Variants in GAREM1 observed in about 807,000 individuals in gnomAD.
GAREM1 encodes GRB2 associated regulator of MAPK1 subtype 1, also known as GRB2-associated and regulator of MAPK protein 1.
GAREM1 carries 26 observed loss-of-function variants against 71.3 expected under a neutral mutation model. That is an observed-to-expected ratio of 0.36 (90% confidence interval 0.27 to 0.51). GAREM1 has a LOEUF of 0.51. GAREM1 is among the 20% of genes least tolerant of loss of function. The pLI is 0.95. For synonymous variants in GAREM1, 440 were observed against 433.2 expected, an observed-to-expected ratio of 1.02 and a Z score of -0.20; for missense variants, 1,026 against 1,103.1, an observed-to-expected ratio of 0.93 and a Z score of 0.99.
intron 2 of GAREM1, among the ~76,000 whole-genome samples, chr18:32,366,610 C>T (rs916928512): frequency 2.6e-5 from 4 of 152,188 alleles, no homozygotes; most frequent in African/African-American, 9.7e-5. Flanking sequence ...CAACAATGCA[C>T]TTTTAATTAT....
chr18:32,323,136 CA>C (rs1366277398), intron 2 of GAREM1, among the ~76,000 whole-genome samples: 1 of 152,172 alleles, frequency 6.6e-6, no homozygotes, highest in African/African-American at 2.4e-5. Flanking sequence ...TAAATGTGTT[CA>C]ACTTTTAATG....
chr18:32,414,439 A>G (rs1251035827), intron 1 of GAREM1, among the ~76,000 whole-genome samples: 6 of 152,086 alleles, frequency 3.9e-5, no homozygotes, highest in Admixed American at 6.6e-5. Flanking sequence ...TACCTGAAGT[A>G]TGTGGTTACA....
At chr18:32,335,476 T>G (rs2047581695) in intron 2 of GAREM1, among the ~76,000 whole-genome samples, 1 of 152,174 alleles carries the variant, frequency 6.6e-6, no homozygotes, top group African/African-American at 2.4e-5. Context: ...CATTTTGAAC[T>G]GGGAGCTAAT....
At position 32,270,225 on chromosome 18, in the gene GAREM1, T is replaced by A. The variant is rs201506085; in HGVS notation, c.1725A>T (p.Leu575=). 6.2e-7 allele frequency: 1 copy of A among 1,613,820 alleles called. No homozygotes were observed. The highest frequency in any genetic ancestry group is 8.5e-7 in the Non-Finnish European group (1 of 1,179,988). Residue 575 remains leucine, a synonymous_variant, in exon 5 of 6, where the codon CTA becomes CTT. Coordinates refer to ENST00000269209, the MANE Select transcript of GAREM1 (RefSeq NM_001242409.2). ...SPTLSYYSSG[L]HNISVTKTDT... is the part of the protein sequence containing the mutation. Reference sequence around the variant, plus strand: ...CTGGCAGGAAGACTTACATGTTGTGTAGCCCTGAAGAATAGTAGGACAAGG... The same window carrying A: ...CTGGCAGGAAGACTTACATGTTGTGAAGCCCTGAAGAATAGTAGGACAAGG...
intron 2 of GAREM1, among the ~76,000 whole-genome samples, chr18:32,344,784 G>A (rs370131405): frequency 7.9e-5 from 12 of 152,260 alleles, no homozygotes; most frequent in African/African-American, 2.6e-4. Flanking sequence ...TCTGTAGGCC[G>A]GGCACGGTGG....
chr18:32,457,220 A>ATGTGTGTGT (rs1568018903), intron 1 of GAREM1, among the ~76,000 whole-genome samples: 19 of 109,398 alleles, frequency 1.7e-4, no homozygotes, highest in African/African-American at 6.4e-4. Context: ...AGAGAGAGAG[A>ATGTGTGTGT]GAGAGAGTGT....
At chr18:32,299,289 C>A (rs947908613) in intron 3 of GAREM1, among the ~76,000 whole-genome samples, 6 of 151,764 alleles carry the variant, frequency 4.0e-5, no homozygotes, top group African/African-American at 9.7e-5. Context: ...CGGAGGCGGG[C>A]GGATCACGAG....
chr18:32,416,477 A>G (rs568729358), intron 1 of GAREM1, among the ~76,000 whole-genome samples: 4 of 152,118 alleles, frequency 2.6e-5, no homozygotes, highest in African/African-American at 9.7e-5. Context: ...TATTAATACT[A>G]CAGAGCTACA....
chr18:32,379,900 G>C (rs78595206), intron 2 of GAREM1, among the ~76,000 whole-genome samples: 5,432 of 152,136 alleles, frequency 0.036, 143 homozygotes, highest in East Asian at 0.11. Flanking sequence ...GAAACAGGGA[G>C]ACCAGGTTTG....
intron 1 of GAREM1, among the ~76,000 whole-genome samples, chr18:32,468,224 T>A (rs2049016421): frequency 6.6e-6 from 1 of 152,226 alleles, no homozygotes; most frequent in South Asian, 2.1e-4. Context: ...ACAGTATTCA[T>A]TACATCACAA....
At chr18:32,410,613 G>A (rs1472038107) in intron 1 of GAREM1, among the ~76,000 whole-genome samples, 1 of 152,120 alleles carries the variant, frequency 6.6e-6, no homozygotes, top group Non-Finnish European at 1.5e-5. Flanking sequence ...GCCTCCCAAA[G>A]CATGGTTCTA....
rs113278519 is a variant in GAREM1, at chr18:32,266,711, C to A, written c.*1160G>T. The A allele has an allele frequency of 1.4e-4, 21 of 152,212 alleles. No homozygotes were observed. Among genetic ancestry groups the A allele is most frequent in the Admixed American group, 4.6e-4 (7 of 15,280 alleles). 9.4% of individuals were successfully genotyped at this position (152,212 alleles called of 1,614,324 possible). A position where few individuals can be genotyped will look rare whatever the true frequency, so the allele number is the denominator to read the frequency against. Reference sequence around the variant, plus strand: ...GATGTAGCATATATAATAATAAAGGCCGGTGCGTCTGATTTCTCAGCTCTC... The same window carrying A: ...GATGTAGCATATATAATAATAAAGGACGGTGCGTCTGATTTCTCAGCTCTC... On this transcript the variant is annotated 3_prime_UTR_variant, in exon 6 of 6. Transcript: ENST00000269209.
chr18:32,455,223 A>G (rs2048876175), intron 1 of GAREM1, among the ~76,000 whole-genome samples: 1 of 152,170 alleles, frequency 6.6e-6, no homozygotes. Flanking sequence ...TCTAAAATGT[A>G]GATTTCATTC....
intron 2 of GAREM1, among the ~76,000 whole-genome samples, chr18:32,338,983 G>A (rs999422091): frequency 6.6e-6 from 1 of 152,176 alleles, no homozygotes; most frequent in African/African-American, 2.4e-5. Context: ...ATCCTGCCAG[G>A]AGACTGCCCT....
At chr18:32,314,597 T>G (rs1387056128) in intron 2 of GAREM1, among the ~76,000 whole-genome samples, 1 of 151,794 alleles carries the variant, frequency 6.6e-6, no homozygotes, top group Non-Finnish European at 1.5e-5. Context: ...GTTGTTGTTT[T>G]TTTTTTTTTG....
Position 32,270,262 on chromosome 18 carries a change from G to C in GAREM1, c.1688C>G (p.Ser563Cys), listed in dbSNP as rs1315003510. 1.9e-6 allele frequency: 3 copies of C among 1,613,930 alleles called. No homozygotes were observed. The highest frequency in any genetic ancestry group is 2.7e-5 in the African/African-American group (2 of 74,922). The change falls in exon 5 of 6, where the codon TCT becomes TGT. Residue 563 changes from serine to cysteine, a missense_variant. This residue lies in a region of GAREM1 where 636 missense variants were observed against 631.2 expected (regional missense o/e 1.01). Coordinates refer to ENST00000269209, the MANE Select transcript of GAREM1 (RefSeq NM_001242409.2). ...ATAGTAGGACAAGGTGGGGCTGGGA[G>C]AGCGAGTCTGTTGCCGCGCTGGCTT... ...TVKPARQQTR[S>C]PSPTLSYYSS...
chr18:32,435,583 T>A (rs2048668110), intron 1 of GAREM1, among the ~76,000 whole-genome samples: 1 of 152,146 alleles, frequency 6.6e-6, no homozygotes, highest in Admixed American at 6.6e-5. Context: ...AAGGTTTTTT[T>A]AAATAATGGG....
rs1306647582 is a variant in GAREM1, at chr18:32,470,676, A to G, written c.-248T>C. On this transcript the variant is annotated 5_prime_UTR_variant, in exon 1 of 6. Transcript: ENST00000269209. The surrounding 1 kb of genome is among the most constrained non-coding windows in gnomAD (Gnocchi z 4.4). ...GTGCCCTCACGCCCGGAGAAGACTCAGAGCAGCCGCGCGGCTGCGGGCGGC... is the reference window on the plus strand; with the variant it reads ...GTGCCCTCACGCCCGGAGAAGACTCGGAGCAGCCGCGCGGCTGCGGGCGGC... 2.7e-5 allele frequency among the ~76,000 whole-genome samples: 4 copies of G among 149,256 alleles called. No homozygotes were observed. The highest frequency in any genetic ancestry group is 9.8e-5 in the African/African-American group (4 of 40,998).
intron 2 of GAREM1, among the ~76,000 whole-genome samples, chr18:32,347,753 G>C (rs2047710146): frequency 6.6e-6 from 1 of 152,182 alleles, no homozygotes; most frequent in Non-Finnish European, 1.5e-5. Context: ...TAGTATATCA[G>C]AGTTTATAAG....
Sources: allele counts gnomAD v4.1 joint callset (sites outside exome capture counted in the v4.1 genomes callset), GRCh38; gene constraint gnomAD v4.1.1; regional missense constraint gnomAD v4.1.1; non-coding constraint Gnocchi (gnomAD v3.1); transcripts MANE v1.5; gene names NCBI Gene and HGNC (gene_info 2026-07-23, HGNC 2026-07-21).